Variants in GNG12 observed in about 807,000 individuals in gnomAD.
GNG12 encodes guanine nucleotide-binding protein G(I)/G(S)/G(O) subunit gamma-12.
For synonymous variants in GNG12, 28 were observed against 29.7 expected (o/e 0.94, Z 0.19); for missense variants, 69 against 83.8 (o/e 0.82, Z 0.69).
Position 67,705,375 on chromosome 1 carries a change from T to A in GNG12, c.*76A>T, listed in dbSNP as rs1570470379. The A allele has an allele frequency of 6.4e-7, 1 of 1,559,348 alleles. No individual in the cohort carries two copies. The highest frequency in any genetic ancestry group is 1.2e-5 in the South Asian group (1 of 81,260). ...TATTAGCAGTGGTTACCAAATAAGC[T>A]GAAGGTAAATCTCTTCAAGGAGCTG... On this transcript the variant is annotated 3_prime_UTR_variant, in exon 4 of 4. Coordinates refer to ENST00000370982, the MANE Select transcript of GNG12 (RefSeq NM_018841.6).
intron 1 of GNG12, among the ~76,000 whole-genome samples, chr1:67,818,566 G>A (rs765024645): frequency 6.6e-6 from 1 of 151,998 alleles, no homozygotes; most frequent in African/African-American, 2.4e-5. Flanking sequence ...TGGTCAAATT[G>A]CTATAAAAAT....
chr1:67,721,585 T>A (rs1261805354), intron 2 of GNG12, among the ~76,000 whole-genome samples: 1 of 152,224 alleles, frequency 6.6e-6, no homozygotes, highest in Non-Finnish European at 1.5e-5. Flanking sequence ...TAAATTAGCA[T>A]CAGTCTATTT....
intron 2 of GNG12, among the ~76,000 whole-genome samples, chr1:67,759,622 T>C (rs1242254756): frequency 2.6e-5 from 4 of 152,206 alleles, no homozygotes; most frequent in African/African-American, 7.2e-5. Flanking sequence ...GCAAGTATGA[T>C]GTTTTGTATA....
intron 2 of GNG12, among the ~76,000 whole-genome samples, chr1:67,767,804 T>C (rs1021110929): frequency 1.3e-5 from 2 of 152,278 alleles, no homozygotes; most frequent in African/African-American, 4.8e-5. Context: ...TGTTTTCACA[T>C]GTGCTACAGT....
chr1:67,804,673 T>C (rs1035887072), intron 1 of GNG12, among the ~76,000 whole-genome samples: 4 of 151,812 alleles, frequency 2.6e-5, no homozygotes, highest in Admixed American at 6.6e-5. Context: ...GATAGGCAGG[T>C]AGACACAGAA....
chr1:67,752,833 A>G (rs908693367), intron 2 of GNG12, among the ~76,000 whole-genome samples: 1 of 152,176 alleles, frequency 6.6e-6, no homozygotes, highest in Non-Finnish European at 1.5e-5. Flanking sequence ...ATAATATGGG[A>G]TATCATCCAT....
intron 1 of GNG12, among the ~76,000 whole-genome samples, chr1:67,790,001 C>T (rs1250744108): frequency 2.0e-5 from 3 of 152,132 alleles, no homozygotes; most frequent in South Asian, 2.1e-4. Context: ...TTTCTGTCAT[C>T]GAAAACCAAA....
intron 1 of GNG12, among the ~76,000 whole-genome samples, chr1:67,811,949 C>T (rs1646928740): frequency 6.6e-6 from 1 of 152,170 alleles, no homozygotes; most frequent in Admixed American, 6.5e-5. Flanking sequence ...TCAAATGAAA[C>T]TTACATAGGC....
At chr1:67,709,435 C>G (rs1257266513) in intron 2 of GNG12, among the ~76,000 whole-genome samples, 1 of 152,112 alleles carries the variant, frequency 6.6e-6, no homozygotes, top group Non-Finnish European at 1.5e-5. Context: ...CCACTAGTGT[C>G]AGAGCCCAAT....
At chr1:67,806,215 C>T (rs936999932) in intron 1 of GNG12, among the ~76,000 whole-genome samples, 12 of 152,064 alleles carry the variant, frequency 7.9e-5, no homozygotes, top group African/African-American at 2.9e-4. Flanking sequence ...AAGCAAGCAT[C>T]AGAGAATGCA....
At chr1:67,727,831 G>A (rs941647991) in intron 2 of GNG12, among the ~76,000 whole-genome samples, 2 of 152,122 alleles carry the variant, frequency 1.3e-5, no homozygotes, top group African/African-American at 4.8e-5. Context: ...TTCTACTTGT[G>A]GTCTTGCATG....
At chr1:67,748,548 A>C (rs1015120366) in intron 2 of GNG12, among the ~76,000 whole-genome samples, 6 of 152,218 alleles carry the variant, frequency 3.9e-5, no homozygotes, top group Admixed American at 3.3e-4. Context: ...TGGAGGAAGA[A>C]GTGCAGCGTC....
intron 1 of GNG12, among the ~76,000 whole-genome samples, chr1:67,811,620 T>C (rs1557625159): frequency 6.6e-6 from 1 of 152,194 alleles, no homozygotes; most frequent in South Asian, 2.1e-4. Flanking sequence ...AACATCTCTT[T>C]GTTACATCTT....
chr1:67,752,201 C>T (rs190140553), intron 2 of GNG12, among the ~76,000 whole-genome samples: 6 of 152,306 alleles, frequency 3.9e-5, no homozygotes, highest in Non-Finnish European at 7.4e-5. Flanking sequence ...CACTCTCCCA[C>T]CACTGGGAGA....
intron 2 of GNG12, among the ~76,000 whole-genome samples, chr1:67,712,063 C>G (rs1054380619): frequency 2.3e-4 from 35 of 152,190 alleles, no homozygotes; most frequent in Non-Finnish European, 1.6e-4. Flanking sequence ...TTCCGACTTG[C>G]AGCTGCTCTG....
chr1:67,752,955 CTT>C (rs1646547162), intron 2 of GNG12, among the ~76,000 whole-genome samples: 1 of 152,138 alleles, frequency 6.6e-6, no homozygotes, highest in African/African-American at 2.4e-5. Flanking sequence ...TTCCAGTAAC[CTT>C]TCCAGGTGAC....
At chr1:67,808,999 C>T (rs952071791) in intron 1 of GNG12, among the ~76,000 whole-genome samples, 1 of 152,036 alleles carries the variant, frequency 6.6e-6, no homozygotes, top group African/African-American at 2.4e-5. Flanking sequence ...TATTGAAGAA[C>T]AAAGTTGGAG....
intron 1 of GNG12, among the ~76,000 whole-genome samples, chr1:67,791,171 T>C (rs998936523): frequency 2.9e-5 from 2 of 69,926 alleles, no homozygotes; most frequent in East Asian, 3.6e-4. Flanking sequence ...CCAGGAACAA[T>C]TGTGGATATG....
intron 2 of GNG12, among the ~76,000 whole-genome samples, chr1:67,725,784 G>A (rs2100693371): frequency 6.6e-6 from 1 of 152,206 alleles, no homozygotes; most frequent in East Asian, 1.9e-4. Flanking sequence ...ACTGAGTTTT[G>A]TATTTCAGAA....
Sources: allele counts gnomAD v4.1 joint callset (sites outside exome capture counted in the v4.1 genomes callset), GRCh38; gene constraint gnomAD v4.1.1; transcripts MANE v1.5; gene names NCBI Gene and HGNC (gene_info 2026-07-23, HGNC 2026-07-21).